Variants in SHROOM3 observed in about 807,000 individuals in gnomAD.
SHROOM3 encodes shroom family member 3, also known as protein Shroom3.
In SHROOM3, 47 loss-of-function variants were observed where a neutral mutation model predicts 138.6. The ratio of observed to expected loss-of-function variants is 0.34; its 90% CI spans 0.27 to 0.43. The LOEUF is 0.43. SHROOM3 is among the 20% of genes least tolerant of loss of function. SHROOM3 has a pLI of 1.00. For missense variants in SHROOM3, 2,491 were observed against 2,596.5 expected (o/e 0.96, Z 0.88); for synonymous variants, 1,062 against 1,063.3 (o/e 1.00, Z 0.02).
chr4:76,444,480 CTTTCTTTTTTTTT>C (rs1165386090), intron 1 of SHROOM3, among the ~76,000 whole-genome samples: 38 of 107,138 alleles, frequency 3.5e-4, no homozygotes, highest in African/African-American at 1.3e-3. Context: ...ATCTCTCTTT[CTTTCTTTTTTTTT>C]TTTTTTTTTT....
intron 4 of SHROOM3, among the ~76,000 whole-genome samples, chr4:76,738,345 T>C (rs1230160289): frequency 1.3e-5 from 2 of 152,186 alleles, no homozygotes; most frequent in Non-Finnish European, 2.9e-5. Context: ...CCTATTCTCT[T>C]ATTAACTTTT....
intron 2 of SHROOM3, among the ~76,000 whole-genome samples, chr4:76,616,862 A>C (rs1209346756): frequency 6.6e-6 from 1 of 152,224 alleles, no homozygotes; most frequent in Non-Finnish European, 1.5e-5. Context: ...AAAATACCTA[A>C]AGAAATAACA....
intron 2 of SHROOM3, among the ~76,000 whole-genome samples, chr4:76,605,931 CTCTA>C (rs1271684570): frequency 3.6e-5 from 5 of 138,956 alleles, no homozygotes; most frequent in Admixed American, 7.3e-5. Context: ...CTCTCTCTCT[CTCTA>C]TATATATATA....
At chr4:76,505,336 G>A (rs932738299) in intron 1 of SHROOM3, among the ~76,000 whole-genome samples, 6 of 152,126 alleles carry the variant, frequency 3.9e-5, no homozygotes, top group Non-Finnish European at 7.4e-5. Flanking sequence ...CTAAGATTTT[G>A]TTTGAAACCA....
At chr4:76,763,145 G>T (rs2110150055) in intron 9 of SHROOM3, among the ~76,000 whole-genome samples, 1 of 152,230 alleles carries the variant, frequency 6.6e-6, no homozygotes, top group Non-Finnish European at 1.5e-5. Context: ...CAGCACTTTG[G>T]GAGGCCAAGG....
intron 3 of SHROOM3, among the ~76,000 whole-genome samples, chr4:76,726,236 C>T (rs563663688): frequency 1.7e-4 from 26 of 150,682 alleles, no homozygotes; most frequent in Non-Finnish European, 3.1e-4. Context: ...TTGTTTTCCT[C>T]CTCCTTCTGT....
intron 2 of SHROOM3, among the ~76,000 whole-genome samples, chr4:76,660,373 T>C (rs891044784): frequency 6.6e-6 from 1 of 152,178 alleles, no homozygotes; most frequent in African/African-American, 2.4e-5. Flanking sequence ...TTGAGTTAAC[T>C]CTTACCCTGT....
chr4:76,735,748 G>A (rs553552148), intron 4 of SHROOM3, among the ~76,000 whole-genome samples: 4 of 148,436 alleles, frequency 2.7e-5, no homozygotes, highest in African/African-American at 5.0e-5. Flanking sequence ...GCTGAGGCAG[G>A]AGAATTGCTT....
chr4:76,531,526 AC>A (rs1240780893), intron 1 of SHROOM3, among the ~76,000 whole-genome samples: 2 of 152,150 alleles, frequency 1.3e-5, no homozygotes, highest in Non-Finnish European at 2.9e-5. Flanking sequence ...TTGAGGAGGT[AC>A]TTGCTGTGAT....
At chr4:76,774,333 A>C (rs1324439527) in intron 10 of SHROOM3, among the ~76,000 whole-genome samples, 1 of 152,194 alleles carries the variant, frequency 6.6e-6, no homozygotes, top group Non-Finnish European at 1.5e-5. Flanking sequence ...ATACTATAGC[A>C]GTATTGTTTT....
chr4:76,696,474 G>A (rs1001496370), intron 2 of SHROOM3, among the ~76,000 whole-genome samples: 1 of 152,218 alleles, frequency 6.6e-6, no homozygotes, highest in Admixed American at 6.5e-5. Flanking sequence ...TCACAGTCCA[G>A]TACCTTCTCT....
At chr4:76,601,602 T>C (rs954093958) in intron 2 of SHROOM3, among the ~76,000 whole-genome samples, 1 of 152,150 alleles carries the variant, frequency 6.6e-6, no homozygotes, top group African/African-American at 2.4e-5. Context: ...CCTCCCAGGT[T>C]CAAGCGATTC....
At chr4:76,507,847 C>T (rs915662317) in intron 1 of SHROOM3, among the ~76,000 whole-genome samples, 5 of 151,970 alleles carry the variant, frequency 3.3e-5, no homozygotes, top group Admixed American at 2.6e-4. Flanking sequence ...CCTGGCCGGT[C>T]GTTTGTATAT....
chr4:76,755,263 TCTG>T (rs1361488079), intron 7 of SHROOM3, 71 bp downstream of exon 7: 92 of 1,543,728 alleles, frequency 6.0e-5, no homozygotes, highest in Admixed American at 4.7e-4. Flanking sequence ...CCCAGGTCCT[TCTG>T]CTGGCCACAG....
In SHROOM3 at chr4:76,740,191, G is replaced by A; in HGVS notation, c.2018G>A (p.Arg673Lys). 6.2e-7 allele frequency: 1 copy of A among 1,613,836 alleles called. No individual in the cohort carries two copies. Among genetic ancestry groups the A allele is most frequent in the Non-Finnish European group, 8.5e-7 (1 of 1,180,042 alleles). The change falls in exon 5 of 11, where the codon AGA (arginine) becomes AAA (lysine). Residue 673 changes from arginine (R) to lysine (K), a missense_variant. Physicochemically the swap from Arg to Lys is conservative, Grantham distance 26. Around this residue, in one of 4 missense-constraint regions of SHROOM3, gnomAD observed 1,733 missense variants for 1,661.6 expected, o/e 1.04. Coordinates refer to ENST00000296043, the MANE Select transcript of SHROOM3 (RefSeq NM_020859.4). The surrounding 1 kb of genome is among the most constrained non-coding windows in gnomAD (Gnocchi z 4.0). ...SSLQNIPESL[R>K]RHSSLELGRG... ...CTCCAGAACATTCCTGAGAGTCTGA[G>A]AAGACACAGCAGCCTGGAGCTAGGC... is the stretch of plus-strand genomic sequence containing the variant.
chr4:76,516,432 T>A, intron 1 of SHROOM3, among the ~76,000 whole-genome samples: 1 of 152,132 alleles, frequency 6.6e-6, no homozygotes, highest in East Asian at 1.9e-4. Flanking sequence ...GATGCTCTTA[T>A]GACATGAAGG....
intron 5 of SHROOM3, 135 bp downstream of exon 5, chr4:76,742,061 T>G (rs1204014537): frequency 8.3e-7 from 1 of 1,205,412 alleles, no homozygotes; most frequent in South Asian, 1.3e-5. Flanking sequence ...AAGTAGCATT[T>G]GTTTTCATGA....
chr4:76,436,322 A>C (rs1367905952), intron 1 of SHROOM3, 102 bp downstream of exon 1: 9 of 1,349,638 alleles, frequency 6.7e-6, no homozygotes, highest in Non-Finnish European at 8.4e-6. Flanking sequence ...AATATAACTT[A>C]ATTTGCTGTT....
chr4:76,465,742 A>G (rs1479858843), intron 1 of SHROOM3, among the ~76,000 whole-genome samples: 1 of 152,226 alleles, frequency 6.6e-6, no homozygotes, highest in Non-Finnish European at 1.5e-5. Flanking sequence ...ACAGAAATCA[A>G]GTAACAATGC....
Sources: gnomAD v4.1 joint callset for allele counts (sites outside exome capture counted in the v4.1 genomes callset) on GRCh38, gnomAD v4.1.1 for gene constraint, gnomAD v4.1.1 regional missense constraint, Gnocchi (gnomAD v3.1) non-coding constraint, MANE v1.5 for transcripts, NCBI Gene and HGNC (gene_info 2026-07-23, HGNC 2026-07-21) for gene names.